UST: variants seen among roughly 807,000 people sequenced by gnomAD.
The protein encoded by UST is uronyl 2-sulfotransferase.
UST carries 21 observed loss-of-function variants against 45.6 expected under a neutral mutation model. The observed-to-expected ratio is 0.46, with a 90% confidence interval of 0.33 to 0.66. The LOEUF (loss-of-function observed/expected upper bound fraction) is 0.66. UST is among the 30% of genes least tolerant of loss of function. The pLI, the probability that UST is intolerant of heterozygous loss-of-function variation, is 0.02. For synonymous variants in UST, 215 were observed against 200.6 expected, an observed-to-expected ratio of 1.07 and a Z score of -0.61; for missense variants, 463 against 512.4, an observed-to-expected ratio of 0.90 and a Z score of 0.93.
intron 2 of UST, among the ~76,000 whole-genome samples, chr6:148,888,878 T>A (rs1778959737): frequency 1.3e-5 from 2 of 152,202 alleles, no homozygotes; most frequent in African/African-American, 4.8e-5. Flanking sequence ...AGGATTATGT[T>A]CTCTCTGGGG....
intron 7 of UST, among the ~76,000 whole-genome samples, chr6:149,063,022 A>G (rs1776678238): frequency 1.3e-5 from 2 of 152,202 alleles, no homozygotes; most frequent in African/African-American, 2.4e-5. Flanking sequence ...TTTATTCTCT[A>G]CCAACATTGG....
chr6:148,747,362 C>T lies in UST; in HGVS notation c.-69C>T. On this transcript the variant is annotated 5_prime_UTR_variant, in exon 1 of 8. Coordinates refer to ENST00000367463, the MANE Select transcript of UST (RefSeq NM_005715.3). Reference sequence around the variant, plus strand: ...CCATGTGCAGCCGGCCAGCCGGGCTCTCCTCCTCGCGGCGGATGGGTGACC... The same window carrying T: ...CCATGTGCAGCCGGCCAGCCGGGCTTTCCTCCTCGCGGCGGATGGGTGACC... 1 of 1,362,088 alleles carries T rather than the reference C, an allele frequency of 7.3e-7. No individual in the cohort carries two copies. Among genetic ancestry groups the T allele is most frequent in the Non-Finnish European group, 9.5e-7 (1 of 1,053,000 alleles). The allele number at this position is 1,362,088 out of a possible 1,614,324, so 84.4% of individuals were successfully genotyped here.
intron 2 of UST, among the ~76,000 whole-genome samples, chr6:148,897,823 T>C (rs537656039): frequency 2.7e-4 from 41 of 152,322 alleles, no homozygotes; most frequent in African/African-American, 9.6e-4. Context: ...TACATGCCAA[T>C]TGGCAGACCA....
At chr6:149,024,413 A>G (rs1339466757) in intron 7 of UST, among the ~76,000 whole-genome samples, 1 of 152,170 alleles carries the variant, frequency 6.6e-6, no homozygotes, top group Non-Finnish European at 1.5e-5. Flanking sequence ...TTGCTTCAGT[A>G]ACTTCTACTG....
chr6:148,942,823 C>A (rs912460005), intron 3 of UST, among the ~76,000 whole-genome samples: 3 of 152,148 alleles, frequency 2.0e-5, no homozygotes, highest in Non-Finnish European at 4.4e-5. Flanking sequence ...TTGCCCACTC[C>A]TTTGCAAACT....
chr6:149,036,320 C>T (rs911432277), intron 7 of UST, among the ~76,000 whole-genome samples: 1 of 152,228 alleles, frequency 6.6e-6, no homozygotes, highest in Admixed American at 6.5e-5. Flanking sequence ...TGTCCCTTTT[C>T]GTCAGCACTT....
At chr6:149,041,264 C>T (rs1336454810) in intron 7 of UST, among the ~76,000 whole-genome samples, 1 of 152,230 alleles carries the variant, frequency 6.6e-6, no homozygotes, top group Non-Finnish European at 1.5e-5. Flanking sequence ...TGCCTGTGAT[C>T]CACTCCAGGA....
At chr6:148,874,683 TTAAA>T (rs1436705558) in intron 1 of UST, among the ~76,000 whole-genome samples, 2 of 152,266 alleles carry the variant, frequency 1.3e-5, no homozygotes, top group Non-Finnish European at 2.9e-5. Flanking sequence ...TTATTAAGGC[TTAAA>T]TAAAGCTGTG....
chr6:149,039,476 T>A (rs1776280569), intron 7 of UST, among the ~76,000 whole-genome samples: 1 of 152,150 alleles, frequency 6.6e-6, no homozygotes, highest in Non-Finnish European at 1.5e-5. Context: ...TCCACCCGCC[T>A]CAGCCTCCCA....
Position 148,799,095 on chromosome 6 carries a change from C to G in UST, c.247+51418C>G, listed in dbSNP as rs554546583. ...ATGTCAGCCAGGCTGGTCTCGAACT[C>G]CTGACCTCAGGTGATTCACCTGCCT... On this transcript the variant is annotated intron_variant, in intron 1 of 7. Transcript: ENST00000367463. Among the ~76,000 whole-genome samples, 3 of 152,260 alleles carry G rather than the reference C, an allele frequency of 2.0e-5. No homozygotes were observed. The South Asian group carries it at 6.2e-4, about 32-fold the overall frequency.
chr6:148,912,029 T>C (rs1779485461), intron 2 of UST, among the ~76,000 whole-genome samples: 1 of 152,106 alleles, frequency 6.6e-6, no homozygotes, highest in Admixed American at 6.5e-5. Flanking sequence ...AAACCCTGTC[T>C]CTACTAAAAA....
chr6:149,028,839 T>C (rs2115023977), intron 7 of UST, among the ~76,000 whole-genome samples: 1 of 152,244 alleles, frequency 6.6e-6, no homozygotes, highest in East Asian at 1.9e-4. Context: ...CCTTAACTTA[T>C]GCTGAATATT....
intron 7 of UST, among the ~76,000 whole-genome samples, chr6:149,055,145 A>G (rs1018144733): frequency 1.3e-5 from 2 of 152,136 alleles, no homozygotes; most frequent in East Asian, 3.9e-4. Flanking sequence ...AAAGGTTACT[A>G]GAAAGTCATA....
chr6:149,004,556 T>G (rs1360125881), intron 5 of UST, among the ~76,000 whole-genome samples: 2 of 152,206 alleles, frequency 1.3e-5, no homozygotes, highest in African/African-American at 4.8e-5. Context: ...AAGTTCACGC[T>G]AATAACCGGA....
At chr6:149,014,948 G>T (rs57955571) in intron 5 of UST, among the ~76,000 whole-genome samples, 3,851 of 152,174 alleles carry the variant, frequency 0.025, 109 homozygotes, top group East Asian at 0.093. Context: ...GGGCACCTCT[G>T]GAGGCTGCAC....
chr6:148,962,854 A>G (rs1780692772), intron 4 of UST, among the ~76,000 whole-genome samples: 1 of 152,218 alleles, frequency 6.6e-6, no homozygotes, highest in South Asian at 2.1e-4. Context: ...GAACAACATT[A>G]TATGAATTCA....
chr6:148,991,434 A>G (rs916066487), intron 5 of UST, among the ~76,000 whole-genome samples: 2 of 151,910 alleles, frequency 1.3e-5, no homozygotes, highest in Middle Eastern at 3.4e-3. Flanking sequence ...ATATGTATAC[A>G]TGTGCCATGT....
chr6:148,955,296 A>G (rs565096393), intron 4 of UST, among the ~76,000 whole-genome samples: 4 of 152,344 alleles, frequency 2.6e-5, no homozygotes, highest in South Asian at 4.1e-4. Context: ...GGCTGGAAGA[A>G]GATTTCAGCC....
At chr6:148,871,031 T>TG (rs1228290958) in intron 1 of UST, among the ~76,000 whole-genome samples, 7 of 151,596 alleles carry the variant, frequency 4.6e-5, no homozygotes, top group African/African-American at 1.7e-4. Context: ...GTGGGGCCTT[T>TG]GGGAGGTGAT....
Sources: gnomAD v4.1 joint callset for allele counts (sites outside exome capture counted in the v4.1 genomes callset) on GRCh38, gnomAD v4.1.1 for gene constraint, MANE v1.5 for transcripts, NCBI Gene and HGNC (gene_info 2026-07-23, HGNC 2026-07-21) for gene names.